Variants in F13A1 observed in about 807,000 individuals in gnomAD.
The protein encoded by F13A1 is coagulation factor XIII A chain.
A neutral mutation model predicts 80.1 loss-of-function variants in F13A1; 47 were observed. That is an observed-to-expected ratio of 0.59 (90% confidence interval 0.46 to 0.75). The LOEUF (loss-of-function observed/expected upper bound fraction) is 0.75, where lower values mean the gene tolerates loss of function less well. Among genes scored for constraint, F13A1 ranks in the 30% least tolerant of loss-of-function variants. F13A1 has a pLI of 0.00. For missense variants in F13A1, 817 were observed against 930.4 expected, an observed-to-expected ratio of 0.88 and a Z score of 1.59; for synonymous variants, 349 against 344.9, an observed-to-expected ratio of 1.01 and a Z score of -0.13.
At chr6:6,319,672 C>A (rs1267855) in intron 1 of F13A1, among the ~76,000 whole-genome samples, 43,508 of 151,912 alleles carry the variant, frequency 0.29, 6,440 homozygotes, top group East Asian at 0.4. Context: ...AGGCACACCC[C>A]CAAGAGGTGA....
chr6:6,170,222 C>T (rs1038133175), intron 12 of F13A1, among the ~76,000 whole-genome samples: 1 of 152,200 alleles, frequency 6.6e-6, no homozygotes, highest in Non-Finnish European at 1.5e-5. Context: ...CTTCTTCTGA[C>T]TATTTCTAGA....
At chr6:6,194,107 A>G (rs1465468224) in intron 10 of F13A1, among the ~76,000 whole-genome samples, 4 of 151,768 alleles carry the variant, frequency 2.6e-5, no homozygotes, top group African/African-American at 9.7e-5. Flanking sequence ...TGCCCTTTCC[A>G]TCTCTGGCTT....
rs149840625 is a variant in F13A1, at chr6:6,274,962, G to A, written c.320-8153C>T. Among the ~76,000 whole-genome samples the A allele has an allele frequency of 2.1e-3, 324 of 152,316 alleles. 1 individual carries two copies. Among genetic ancestry groups the A allele is most frequent in the Non-Finnish European group, 3.6e-3 (247 of 68,028 alleles). ...GCATTTGACCCAGGGAGGGTAAAAA[G>A]CAAAGGGACCTCCAACGCTGTGCAA... On this transcript the variant is annotated intron_variant, in intron 3 of 14. Coordinates refer to ENST00000264870, the MANE Select transcript of F13A1 (RefSeq NM_000129.4).
At chr6:6,269,624 G>A (rs1402235828) in intron 3 of F13A1, among the ~76,000 whole-genome samples, 2 of 151,784 alleles carry the variant, frequency 1.3e-5, no homozygotes, top group African/African-American at 4.8e-5. Flanking sequence ...AATGATCAAT[G>A]TAATCTCCAT....
At chr6:6,308,606 CTTTT>C (rs770570204) in intron 2 of F13A1, among the ~76,000 whole-genome samples, 21 of 88,846 alleles carry the variant, frequency 2.4e-4, no homozygotes, top group African/African-American at 6.2e-4. Context: ...AAAACACATT[CTTTT>C]TTTTTTTTTT....
At chr6:6,317,486 A>T (rs1758701761) in intron 2 of F13A1, among the ~76,000 whole-genome samples, 1 of 152,022 alleles carries the variant, frequency 6.6e-6, no homozygotes, top group East Asian at 1.9e-4. Context: ...TACCTCCCTG[A>T]TTTCACTATT....
intron 3 of F13A1, among the ~76,000 whole-genome samples, chr6:6,297,320 T>C (rs1333102346): frequency 6.6e-6 from 1 of 151,910 alleles, no homozygotes; most frequent in Non-Finnish European, 1.5e-5. Context: ...TCAGAAGGAA[T>C]GGTACCAGTT....
chr6:6,267,815 A>G (rs1757866703), intron 3 of F13A1, among the ~76,000 whole-genome samples: 1 of 152,256 alleles, frequency 6.6e-6, no homozygotes, highest in South Asian at 2.1e-4. Flanking sequence ...GCAAAAAACT[A>G]GAGAAGTACA....
chr6:6,316,780 C>T (rs1758691787), intron 2 of F13A1, among the ~76,000 whole-genome samples: 1 of 152,174 alleles, frequency 6.6e-6, no homozygotes. Context: ...ACACTGCTCA[C>T]TAGATGCTCA....
intron 5 of F13A1, among the ~76,000 whole-genome samples, chr6:6,249,596 G>A (rs1251478872): frequency 3.3e-5 from 5 of 152,118 alleles, no homozygotes; most frequent in African/African-American, 1.2e-4. Context: ...GCCCTGACTG[G>A]GCTTGGGACA....
chr6:6,168,266 G>T (rs1175727346), intron 12 of F13A1, among the ~76,000 whole-genome samples: 1 of 152,252 alleles, frequency 6.6e-6, no homozygotes, highest in Non-Finnish European at 1.5e-5. Flanking sequence ...ATGGAAACCA[G>T]TCACTGATGT....
chr6:6,284,996 C>T (rs926797180), intron 3 of F13A1, among the ~76,000 whole-genome samples: 2 of 152,226 alleles, frequency 1.3e-5, no homozygotes, highest in African/African-American at 4.8e-5. Flanking sequence ...ATTCCTCTCA[C>T]TCCAACTACA....
intron 13 of F13A1, among the ~76,000 whole-genome samples, chr6:6,165,152 C>T (rs1760644575): frequency 6.6e-6 from 1 of 152,220 alleles, no homozygotes; most frequent in Non-Finnish European, 1.5e-5. Context: ...GCTCTCTTCC[C>T]TATCAAATGT....
chr6:6,248,539 T>C (rs576399696), intron 5 of F13A1, 120 bp from the exon 6 acceptor site: 4 of 751,998 alleles, frequency 5.3e-6, no homozygotes, highest in Middle Eastern at 2.7e-4. Flanking sequence ...TCCTGTATAG[T>C]GATCTCCCAT....
At chr6:6,205,303 G>T (rs1212116326) in intron 8 of F13A1, among the ~76,000 whole-genome samples, 1 of 152,172 alleles carries the variant, frequency 6.6e-6, no homozygotes, top group African/African-American at 2.4e-5. Flanking sequence ...TAAACTATGA[G>T]GTGTATGTGT....
chr6:6,195,294 T>C (rs1293688801), intron 10 of F13A1, among the ~76,000 whole-genome samples: 1 of 152,204 alleles, frequency 6.6e-6, no homozygotes, highest in Non-Finnish European at 1.5e-5. Context: ...CTTTGGCAAC[T>C]CAACCCTCCC....
Position 6,293,125 on chromosome 6 carries a change from G to A in F13A1, c.319+12226C>T, listed in dbSNP as rs1311819110. Among the ~76,000 whole-genome samples the A allele has an allele frequency of 5.9e-5, 9 of 152,070 alleles. No homozygotes were observed. The East Asian group carries it at 9.6e-4, about 16-fold the overall frequency. On this transcript the variant is annotated intron_variant, in intron 3 of 14. Transcript: ENST00000264870. ...GAAAGGTCAGGAGAATCTCCAAAGCGCTGACCTGGACACCCCCAGGTTCCT... is the reference window on the plus strand; with the variant it reads ...GAAAGGTCAGGAGAATCTCCAAAGCACTGACCTGGACACCCCCAGGTTCCT...
At chr6:6,293,317 A>G (rs1758250744) in intron 3 of F13A1, among the ~76,000 whole-genome samples, 1 of 152,112 alleles carries the variant, frequency 6.6e-6, no homozygotes, top group South Asian at 2.1e-4. Flanking sequence ...GCCCATGTCA[A>G]AGTAACAGCA....
chr6:6,184,107 T>C (rs987753654), intron 10 of F13A1, among the ~76,000 whole-genome samples: 5 of 152,238 alleles, frequency 3.3e-5, no homozygotes, highest in Non-Finnish European at 7.3e-5. Context: ...CAACATTTGT[T>C]GCATACCTAC....
Sources: allele counts gnomAD v4.1 joint callset (sites outside exome capture counted in the v4.1 genomes callset), GRCh38; gene constraint gnomAD v4.1.1; transcripts MANE v1.5; gene names NCBI Gene and HGNC (gene_info 2026-07-23, HGNC 2026-07-21).